Variants in PHLDB2 observed in about 807,000 individuals in gnomAD.
PHLDB2 encodes pleckstrin homology like domain family B member 2, also known as pleckstrin homology-like domain family B member 2.
PHLDB2 carries 71 observed loss-of-function variants against 123.6 expected under a neutral mutation model. The ratio of observed to expected loss-of-function variants is 0.57; its 90% CI spans 0.47 to 0.70. PHLDB2 has a LOEUF of 0.70. Ranked by LOEUF, PHLDB2 falls within the 30% of genes least tolerant of loss-of-function variation. PHLDB2 has a pLI of 0.00. For missense variants in PHLDB2, 1,446 were observed against 1,519.5 expected (o/e 0.95, Z 0.80); for synonymous variants, 547 against 541.6 (o/e 1.01, Z -0.14).
At chr3:111,925,775 A>G (rs1219438014) in intron 5 of PHLDB2, among the ~76,000 whole-genome samples, 2 of 152,232 alleles carry the variant, frequency 1.3e-5, no homozygotes, top group African/African-American at 2.4e-5. Context: ...GGCAATGGCT[A>G]AGAAGATACG....
At chr3:111,966,218 G>A (rs1032045670) in intron 13 of PHLDB2, among the ~76,000 whole-genome samples, 1 of 152,122 alleles carries the variant, frequency 6.6e-6, no homozygotes, top group Non-Finnish European at 1.5e-5. Context: ...ATATCTTTAA[G>A]TCATTAAACT....
chr3:111,754,066 T>C (rs1333325126), intron 1 of PHLDB2, among the ~76,000 whole-genome samples: 1 of 152,108 alleles, frequency 6.6e-6, no homozygotes, highest in Non-Finnish European at 1.5e-5. Context: ...TGTAGTATAG[T>C]TTGAAGTCAG....
intron 1 of PHLDB2, among the ~76,000 whole-genome samples, chr3:111,772,676 C>G (rs1052747543): frequency 6.6e-6 from 1 of 152,176 alleles, no homozygotes; most frequent in Admixed American, 6.5e-5. Context: ...TTTCTTGGTT[C>G]AAATTCACAA....
At chr3:111,829,506 C>G (rs1182237817) in intron 1 of PHLDB2, among the ~76,000 whole-genome samples, 3 of 131,616 alleles carry the variant, frequency 2.3e-5, no homozygotes, top group South Asian at 2.4e-4. Context: ...TTGCTATTAC[C>G]AGGCTGGAGT....
At chr3:111,773,478 AG>A (rs1262688188) in intron 1 of PHLDB2, among the ~76,000 whole-genome samples, 1 of 152,194 alleles carries the variant, frequency 6.6e-6, no homozygotes, top group African/African-American at 2.4e-5. Flanking sequence ...AATTTTAGAT[AG>A]GGTTTTTCCT....
intron 1 of PHLDB2, among the ~76,000 whole-genome samples, chr3:111,746,703 A>G (rs2059687178): frequency 6.6e-6 from 1 of 152,168 alleles, no homozygotes; most frequent in Admixed American, 6.5e-5. Context: ...CAGGAGTTCA[A>G]GGTTACAGTG....
intron 1 of PHLDB2, among the ~76,000 whole-genome samples, chr3:111,839,033 C>G (rs998028007): frequency 3.3e-5 from 5 of 152,146 alleles, no homozygotes; most frequent in Non-Finnish European, 7.4e-5. Context: ...TTCCAGATTT[C>G]TCTACACACT....
rs778583506 is a variant in PHLDB2, at chr3:111,974,406, C to G, written c.3622-17C>G. On this transcript the variant is annotated splice_polypyrimidine_tract_variant and intron_variant, in intron 17 of 17. Coordinates refer to ENST00000431670, the MANE Select transcript of PHLDB2 (RefSeq NM_001134438.2). ...AAGATGTTTATTTTACATTCTTTTT[C>G]CTTTTTTGAATTTTAGAGTCCTAAT... The G allele has an allele frequency of 6.4e-7, 1 of 1,568,660 alleles. No individual in the cohort carries two copies. The highest frequency in any genetic ancestry group is 2.3e-5 in the East Asian group (1 of 43,828).
At chr3:111,732,708 G>A (rs1941539752) in intron 1 of PHLDB2, 3 of 1,533,320 alleles carry the variant, frequency 2.0e-6, no homozygotes, top group South Asian at 1.2e-5. Context: ...GACAAGGTAG[G>A]TGATCTCTCT....
At chr3:111,849,657 T>A (rs1559866823) in intron 2 of PHLDB2, among the ~76,000 whole-genome samples, 1 of 152,194 alleles carries the variant, frequency 6.6e-6, no homozygotes, top group Non-Finnish European at 1.5e-5. Flanking sequence ...AAATTCTTAG[T>A]TCTTGTCATT....
intron 2 of PHLDB2, among the ~76,000 whole-genome samples, chr3:111,900,580 T>A (rs1414537436): frequency 6.6e-6 from 1 of 152,154 alleles, no homozygotes. Context: ...ATGGGCATGG[T>A]TTGTGGTGTC....
At chr3:111,791,079 A>C (rs543826197) in intron 1 of PHLDB2, among the ~76,000 whole-genome samples, 1 of 152,366 alleles carries the variant, frequency 6.6e-6, no homozygotes, top group East Asian at 1.9e-4. Flanking sequence ...TGATTTAACC[A>C]GCTATGAATT....
At chr3:111,882,710 G>C (rs115212435) in intron 1 of PHLDB2, among the ~76,000 whole-genome samples, 19 of 152,268 alleles carry the variant, frequency 1.2e-4, no homozygotes, top group African/African-American at 4.6e-4. Context: ...CTGTTTCTTG[G>C]CCTTCTGGAT....
chr3:111,769,639 C>G (rs1033411940), intron 1 of PHLDB2, among the ~76,000 whole-genome samples: 19 of 152,202 alleles, frequency 1.2e-4, no homozygotes, highest in African/African-American at 3.4e-4. Context: ...TGGAGTTCCT[C>G]AATTCCAACA....
chr3:111,817,128 CT>C (rs1427880333), intron 1 of PHLDB2, among the ~76,000 whole-genome samples: 1 of 152,154 alleles, frequency 6.6e-6, no homozygotes, highest in East Asian at 1.9e-4. Flanking sequence ...ATTACCCAGT[CT>C]CAGGCATGTC....
intron 1 of PHLDB2, among the ~76,000 whole-genome samples, chr3:111,835,013 C>A (rs971167344): frequency 6.6e-6 from 1 of 152,040 alleles, no homozygotes. Flanking sequence ...AAAAAAGGAA[C>A]CTTAACTATG....
chr3:111,820,558 A>T (rs2108397494), intron 1 of PHLDB2, among the ~76,000 whole-genome samples: 1 of 152,180 alleles, frequency 6.6e-6, no homozygotes, highest in East Asian at 1.9e-4. Context: ...GTTGTGTCTC[A>T]CACTAGCCCA....
intron 1 of PHLDB2, among the ~76,000 whole-genome samples, chr3:111,842,015 T>G (rs1014682935): frequency 2.0e-5 from 3 of 152,218 alleles, no homozygotes; most frequent in Non-Finnish European, 4.4e-5. Flanking sequence ...CCTATCTTTC[T>G]TACTATTGAC....
intron 2 of PHLDB2, among the ~76,000 whole-genome samples, chr3:111,847,854 G>T (rs2064068574): frequency 6.6e-6 from 1 of 152,186 alleles, no homozygotes; most frequent in African/African-American, 2.4e-5. Flanking sequence ...ATATGATTTG[G>T]CAATGTATTG....
Sources: gnomAD v4.1 joint callset for allele counts (sites outside exome capture counted in the v4.1 genomes callset) on GRCh38, gnomAD v4.1.1 for gene constraint, MANE v1.5 for transcripts, NCBI Gene and HGNC (gene_info 2026-07-23, HGNC 2026-07-21) for gene names.